RGS17: variants seen among roughly 807,000 people sequenced by gnomAD.
RGS17 encodes the protein regulator of G protein signaling 17.
RGS17 carries 12 observed loss-of-function variants against 25.5 expected under a neutral mutation model. That is an observed-to-expected ratio of 0.47 (90% CI 0.30 to 0.76). The LOEUF (loss-of-function observed/expected upper bound fraction) is 0.76, where lower values mean the gene tolerates loss of function less well. Among genes scored for constraint, RGS17 ranks in the 30% least tolerant of loss-of-function variants. The pLI is 0.07. For missense variants in RGS17, 196 were observed against 242.2 expected, an observed-to-expected ratio of 0.81 and a Z score of 1.27; for synonymous variants, 71 against 76.9, an observed-to-expected ratio of 0.92 and a Z score of 0.40.
At position 153,005,598 on chromosome 6, in the gene RGS17, C is replaced by A. The variant is rs1361793960; in HGVS notation, c.*5976G>T. ...CCGGTGATGGCATATACCTTTGATA[C>A]CATGTGATGAGCATGGCACTTTACC... On this transcript the variant is annotated 3_prime_UTR_variant, in exon 5 of 5. Transcript: ENST00000206262. The A allele has an allele frequency of 3.3e-5, 5 of 152,286 alleles. No individual in the cohort carries two copies. Among genetic ancestry groups the A allele is most frequent in the Non-Finnish European group, 5.9e-5 (4 of 68,044 alleles). The allele number at this position is 152,286 out of a possible 1,614,324, so 9.4% of individuals were successfully genotyped here.
At chr6:153,092,998 A>G (rs1465359637) in intron 1 of RGS17, among the ~76,000 whole-genome samples, 1 of 152,202 alleles carries the variant, frequency 6.6e-6, no homozygotes, top group Non-Finnish European at 1.5e-5. Context: ...AGTCCTAACA[A>G]AGACTAAAAA....
intron 1 of RGS17, among the ~76,000 whole-genome samples, chr6:153,058,675 G>A (rs1039204611): frequency 2.0e-5 from 3 of 152,192 alleles, no homozygotes; most frequent in African/African-American, 7.2e-5. Flanking sequence ...AATTCACCAA[G>A]TACAGATAGT....
chr6:153,080,535 TC>T (rs1389285459), intron 1 of RGS17, among the ~76,000 whole-genome samples: 2 of 152,168 alleles, frequency 1.3e-5, no homozygotes, highest in African/African-American at 2.4e-5. Flanking sequence ...TTTTATGACT[TC>T]TAATCTAAAA....
At position 153,130,073 on chromosome 6, in the gene RGS17, G is replaced by A. The variant is rs2129128241; in HGVS notation, c.-26+1051C>T. On this transcript the variant is annotated intron_variant, in intron 1 of 4. Coordinates refer to ENST00000206262, the MANE Select transcript of RGS17 (RefSeq NM_012419.5). This position sits in a 1 kb window ranked among gnomAD's most constrained non-coding sequence, Gnocchi z 6.4. ...GTGCCAGCAGCCTCGGGCTCGCGAG[G>A]AGCAGCTCCCACCCGCGGCTTCCGA... Among the ~76,000 whole-genome samples, 1 of 152,244 alleles carries A rather than the reference G, an allele frequency of 6.6e-6. No individual in the cohort carries two copies. Among genetic ancestry groups the A allele is most frequent in the South Asian group, 2.1e-4 (1 of 4,830 alleles).
At chr6:153,114,326 T>C (rs544898666) in intron 1 of RGS17, among the ~76,000 whole-genome samples, 35 of 152,022 alleles carry the variant, frequency 2.3e-4, no homozygotes, top group African/African-American at 8.2e-4. Flanking sequence ...AGCTAGAAAA[T>C]GTAGAAGAAA....
chr6:153,047,365 G>A lies in RGS17; in HGVS notation c.-25-3322C>T, dbSNP rs549865172. Among the ~76,000 whole-genome samples, 4 of 152,240 alleles carry A rather than the reference G, an allele frequency of 2.6e-5. No homozygotes were observed. The East Asian group carries it at 7.7e-4, about 29-fold the overall frequency. On this transcript the variant is annotated intron_variant, in intron 1 of 4. Coordinates refer to ENST00000206262, the MANE Select transcript of RGS17 (RefSeq NM_012419.5). The stretch of plus-strand genomic sequence containing the variant: ...TTAAATTTAAGACTACATCAATTAC[G>A]AAAATGGGTGGGCTGCCCTAACCCT...
At chr6:153,027,165 G>T (rs1350799724) in intron 2 of RGS17, among the ~76,000 whole-genome samples, 1 of 152,120 alleles carries the variant, frequency 6.6e-6, no homozygotes, top group Non-Finnish European at 1.5e-5. Context: ...TGAGCATTTG[G>T]AACAGGTGAG....
chr6:153,052,956 C>T (rs12190377), intron 1 of RGS17, among the ~76,000 whole-genome samples: 142,833 of 152,254 alleles, frequency 0.94, 67,102 homozygotes, highest in East Asian at 1. Context: ...GGGGATAAAA[C>T]GAGATATCAG....
At chr6:153,129,929 G>GCGCAGGGCGGGTCCCGTA (rs1157044263) in intron 1 of RGS17, among the ~76,000 whole-genome samples, 1 of 152,172 alleles carries the variant, frequency 6.6e-6, no homozygotes, top group Admixed American at 6.5e-5. Context: ...AGGGCTCAGG[G>GCGCAGGGCGGGTCCCGTA]CGCAGGGCGG....
intron 1 of RGS17, among the ~76,000 whole-genome samples, chr6:153,110,835 T>A (rs1172048255): frequency 6.6e-6 from 1 of 152,126 alleles, no homozygotes; most frequent in Non-Finnish European, 1.5e-5. Flanking sequence ...GCGCAAGCGG[T>A]TGGGGAACTC....
intron 2 of RGS17, among the ~76,000 whole-genome samples, chr6:153,038,391 T>G (rs1023715464): frequency 6.6e-5 from 10 of 152,178 alleles, no homozygotes; most frequent in African/African-American, 1.4e-4. Context: ...AAAGTTGATA[T>G]AACTGATAAA....
intron 1 of RGS17, among the ~76,000 whole-genome samples, chr6:153,106,382 G>C (rs9479510): frequency 0.46 from 69,701 of 151,240 alleles, 16,714 homozygotes; most frequent in East Asian, 0.85. Context: ...AACAGCTGAG[G>C]AAAGGCACAC....
In RGS17 at chr6:153,027,921, G is replaced by A. The variant is rs1779320315; in HGVS notation, c.120-1378C>T. 2.0e-5 allele frequency among the ~76,000 whole-genome samples: 3 copies of A among 152,198 alleles called. No individual in the cohort carries two copies. In the South Asian group the frequency reaches 6.2e-4, roughly 32 times the overall value. Reference sequence around the variant, plus strand: ...CAAGCAGTTATTCTCAATCTGGAAAGTCTGATAAGAGAAACCAAGACAATG... The same window carrying A: ...CAAGCAGTTATTCTCAATCTGGAAAATCTGATAAGAGAAACCAAGACAATG... On this transcript the variant is annotated intron_variant, in intron 2 of 4. Transcript: ENST00000206262.
chr6:153,042,680 T>C (rs538994641), intron 2 of RGS17, among the ~76,000 whole-genome samples: 1 of 152,374 alleles, frequency 6.6e-6, no homozygotes, highest in Admixed American at 6.5e-5. Flanking sequence ...TATTGATATC[T>C]ATAAAAACTA....
In RGS17 at chr6:153,024,359, G is replaced by T. The variant is rs1779277152; in HGVS notation, c.347C>A (p.Ala116Asp). The change falls in exon 4 of 5, where the codon GCT (alanine) becomes GAT (aspartate). Residue 116 changes from alanine to aspartate, a missense_variant. Physicochemically the swap from Ala to Asp is moderately radical, Grantham distance 126 (BLOSUM62 -2). Coordinates refer to ENST00000206262, the MANE Select transcript of RGS17 (RefSeq NM_012419.5). The stretch of plus-strand genomic sequence containing the variant: ...CTGCTCCTTCTTTAAGTCTTCACAA[G>T]CAAGCCAGAAAAGTAGGTTCTCTTC... Reference protein sequence around the residue: ...YSEENLLFWLACEDLKKEQNK... With the variant: ...YSEENLLFWLDCEDLKKEQNK... The T allele has an allele frequency of 6.2e-7, 1 of 1,613,956 alleles. No homozygotes were observed. Among genetic ancestry groups the T allele is most frequent in the Non-Finnish European group, 8.5e-7 (1 of 1,179,964 alleles).
At chr6:153,081,618 C>G (rs755480201) in intron 1 of RGS17, among the ~76,000 whole-genome samples, 5 of 52,222 alleles carry the variant, frequency 9.6e-5, no homozygotes, top group Non-Finnish European at 1.4e-4. Flanking sequence ...TTTGCCTCAT[C>G]TCCTTCTTTT....
rs1562321712 is a variant in RGS17, at chr6:153,054,104, A to ATGTG, written c.-25-10062_-25-10061insCACA. 3.3e-4 allele frequency among the ~76,000 whole-genome samples: 23 copies of ATGTG among 69,620 alleles called. 4 individuals carry two copies. The highest frequency in any genetic ancestry group is 9.8e-3 in the Middle Eastern group (1 of 102). 45.7% of individuals were successfully genotyped at this position (69,620 alleles called of 152,430 possible). A position where few individuals can be genotyped will look rare whatever the true frequency, so the allele number is the denominator to read the frequency against. ...CACACAATATTTTTTATATATATAT[A>ATGTG]TATATATATGTGTATATATATATAT... On this transcript the variant is annotated intron_variant, in intron 1 of 4. Transcript: ENST00000206262.
At chr6:153,108,824 T>C (rs998738814) in intron 1 of RGS17, among the ~76,000 whole-genome samples, 1 of 151,636 alleles carries the variant, frequency 6.6e-6, no homozygotes, top group African/African-American at 2.4e-5. Flanking sequence ...TGTGTTTGCG[T>C]GTAGACAGAC....
intron 1 of RGS17, among the ~76,000 whole-genome samples, chr6:153,055,867 T>C (rs1458302838): frequency 6.6e-6 from 1 of 152,236 alleles, no homozygotes; most frequent in Non-Finnish European, 1.5e-5. Context: ...CTGTTACTTC[T>C]TTCCCTTCCC....
Sources: gnomAD v4.1 joint callset for allele counts (sites outside exome capture counted in the v4.1 genomes callset) on GRCh38, gnomAD v4.1.1 for gene constraint, Gnocchi (gnomAD v3.1) non-coding constraint, MANE v1.5 for transcripts, NCBI Gene and HGNC (gene_info 2026-07-23, HGNC 2026-07-21) for gene names.